The following DLGAP2 variants were observed in gnomAD, a reference collection of about 807,000 sequenced individuals.
The protein encoded by DLGAP2 is DLG associated protein 2.
DLGAP2 carries 26 observed loss-of-function variants against 100.3 expected under a neutral mutation model. The observed-to-expected ratio is 0.26, with a 90% CI of 0.19 to 0.36. The LOEUF (loss-of-function observed/expected upper bound fraction) is 0.36. DLGAP2 is among the 10% of genes least tolerant of loss of function. DLGAP2 has a pLI of 1.00. For missense variants in DLGAP2, 1,858 were observed against 1,453.2 expected, an observed-to-expected ratio of 1.28 and a Z score of -4.53; for synonymous variants, 886 against 630.1, an observed-to-expected ratio of 1.41 and a Z score of -6.08.
chr8:1,257,520 C>T (rs1477285665), intron 2 of DLGAP2, among the ~76,000 whole-genome samples: 1 of 57,628 alleles, frequency 1.7e-5, no homozygotes, highest in East Asian at 5.1e-4. Context: ...GACGTCTGTG[C>T]TCGCTCCCCA....
chr8:1,218,407 C>T (rs180814984), intron 2 of DLGAP2, among the ~76,000 whole-genome samples: 26 of 151,966 alleles, frequency 1.7e-4, no homozygotes, highest in African/African-American at 6.3e-4. Flanking sequence ...GTAGGTGTGC[C>T]GCTTTATTTG....
chr8:1,296,578 G>A (rs1172227925), intron 3 of DLGAP2, among the ~76,000 whole-genome samples: 1 of 152,142 alleles, frequency 6.6e-6, no homozygotes, highest in Non-Finnish European at 1.5e-5. Context: ...GATTCTATAT[G>A]AATAAATATT....
chr8:885,958 T>G (rs1221802603), intron 1 of DLGAP2, among the ~76,000 whole-genome samples: 1 of 152,222 alleles, frequency 6.6e-6, no homozygotes. Flanking sequence ...TTGTTTGGAA[T>G]AGTTTCAGAA....
intron 2 of DLGAP2, among the ~76,000 whole-genome samples, chr8:1,171,314 G>A (rs62488967): frequency 0.38 from 58,404 of 151,982 alleles, 12,999 homozygotes; most frequent in African/African-American, 0.62. Context: ...TATGTGGTCA[G>A]TTTTGGAATC....
chr8:1,638,497 C>T (rs563778830), intron 8 of DLGAP2, among the ~76,000 whole-genome samples: 1 of 152,066 alleles, frequency 6.6e-6, no homozygotes, highest in Non-Finnish European at 1.5e-5. Context: ...AGGACTAACA[C>T]GGGGGCCAGA....
At chr8:1,273,220 A>G (rs1251046470) in intron 3 of DLGAP2, among the ~76,000 whole-genome samples, 1 of 152,192 alleles carries the variant, frequency 6.6e-6, no homozygotes, top group Non-Finnish European at 1.5e-5. Context: ...CCAGCCACAA[A>G]CACACATGCA....
chr8:1,357,438 G>C (rs1219113697), intron 3 of DLGAP2, among the ~76,000 whole-genome samples: 1 of 144,846 alleles, frequency 6.9e-6, no homozygotes, highest in Non-Finnish European at 1.5e-5. Flanking sequence ...TATTAAAACA[G>C]TCACTGCAAT....
At chr8:943,953 A>G (rs1799254784) in intron 2 of DLGAP2, among the ~76,000 whole-genome samples, 3 of 152,272 alleles carry the variant, frequency 2.0e-5, no homozygotes, top group African/African-American at 4.8e-5. Flanking sequence ...GTTGAAGATC[A>G]ATAGTGAAGA....
chr8:814,071 A>G (rs953123161), intron 1 of DLGAP2, among the ~76,000 whole-genome samples: 2 of 152,234 alleles, frequency 1.3e-5, no homozygotes, highest in Non-Finnish European at 2.9e-5. Context: ...AAAAAGATCT[A>G]ATGTGTCTTT....
chr8:831,655 T>G (rs983197321), intron 1 of DLGAP2, among the ~76,000 whole-genome samples: 1 of 152,164 alleles, frequency 6.6e-6, no homozygotes, highest in African/African-American at 2.4e-5. Flanking sequence ...TTGCTATTGT[T>G]AATAGTGCCA....
chr8:1,438,064 G>A (rs1009290557), intron 3 of DLGAP2, among the ~76,000 whole-genome samples: 4 of 152,100 alleles, frequency 2.6e-5, no homozygotes, highest in African/African-American at 9.7e-5. Flanking sequence ...AGGATTTCTC[G>A]AGTTGTGGGC....
chr8:880,144 T>C (rs1355354884), intron 1 of DLGAP2, among the ~76,000 whole-genome samples: 2 of 152,146 alleles, frequency 1.3e-5, no homozygotes, highest in Non-Finnish European at 2.9e-5. Flanking sequence ...GTGGTGTTTG[T>C]GTTCACCTGT....
intron 1 of DLGAP2, among the ~76,000 whole-genome samples, chr8:899,414 G>C (rs1169764815): frequency 6.6e-6 from 1 of 152,206 alleles, no homozygotes; most frequent in Non-Finnish European, 1.5e-5. Context: ...TGACTCCTTA[G>C]AGCTGGCAAG....
At chr8:1,177,730 G>A (rs1286958853) in intron 2 of DLGAP2, among the ~76,000 whole-genome samples, 2 of 152,174 alleles carry the variant, frequency 1.3e-5, no homozygotes, top group Non-Finnish European at 2.9e-5. Flanking sequence ...GATGCCAGCA[G>A]GTTCGATGTC....
At chr8:1,080,903 A>G (rs1287391274) in intron 2 of DLGAP2, among the ~76,000 whole-genome samples, 1 of 152,224 alleles carries the variant, frequency 6.6e-6, no homozygotes, top group Non-Finnish European at 1.5e-5. Flanking sequence ...TATTGCCTGG[A>G]ATTCTACATA....
chr8:1,101,478 G>C (rs914434860), intron 2 of DLGAP2, among the ~76,000 whole-genome samples: 1 of 152,158 alleles, frequency 6.6e-6, no homozygotes, highest in African/African-American at 2.4e-5. Context: ...GAGGCACCCA[G>C]AGTCTGCAGA....
intron 3 of DLGAP2, among the ~76,000 whole-genome samples, chr8:1,266,637 C>T (rs1479137764): frequency 6.6e-6 from 1 of 152,174 alleles, no homozygotes; most frequent in Non-Finnish European, 1.5e-5. Context: ...CCTCTGTTCT[C>T]AGTCACCACG....
At chr8:1,617,208 G>A (rs1255527340) in intron 6 of DLGAP2, among the ~76,000 whole-genome samples, 1 of 152,176 alleles carries the variant, frequency 6.6e-6, no homozygotes, top group African/African-American at 2.4e-5. Flanking sequence ...GTGTTTTAAT[G>A]GTAGAATGAG....
chr8:865,148 C>G (rs1181099748), intron 1 of DLGAP2, among the ~76,000 whole-genome samples: 1 of 152,228 alleles, frequency 6.6e-6, no homozygotes, highest in Non-Finnish European at 1.5e-5. Context: ...TCTCCACAGG[C>G]TCACCTGGCC....
Sources: allele counts gnomAD v4.1 joint callset (sites outside exome capture counted in the v4.1 genomes callset), GRCh38; gene constraint gnomAD v4.1.1; transcripts MANE v1.5; gene names NCBI Gene and HGNC (gene_info 2026-07-23, HGNC 2026-07-21).